Variants in SP100 observed in about 807,000 individuals in gnomAD.
SP100 encodes SP100 nuclear body protein, also known as nuclear autoantigen Sp-100.
A neutral mutation model predicts 130.0 loss-of-function variants in SP100; 84 were observed. That is an observed-to-expected ratio of 0.65 (90% confidence interval 0.54 to 0.77). The LOEUF is 0.77. SP100 is among the 30% of genes least tolerant of loss of function. SP100 has a pLI of 0.00. For synonymous variants in SP100, 331 were observed against 351.7 expected, an observed-to-expected ratio of 0.94 and a Z score of 0.66; for missense variants, 978 against 1,052.2, an observed-to-expected ratio of 0.93 and a Z score of 0.97.
chr2:230,429,177 GT>G (rs2063027240), intron 2 of SP100, among the ~76,000 whole-genome samples: 1 of 152,082 alleles, frequency 6.6e-6, no homozygotes, highest in East Asian at 1.9e-4. Context: ...GTTTGGAAAG[GT>G]TTTTATCTCT....
At chr2:230,443,707 A>G (rs911681908) in intron 3 of SP100, among the ~76,000 whole-genome samples, 23 of 152,338 alleles carry the variant, frequency 1.5e-4, no homozygotes, top group African/African-American at 4.3e-4. Context: ...GATACAGAGC[A>G]GCGAGTCATC....
chr2:230,515,796 A>G, intron 24 of SP100: 1 of 1,457,264 alleles, frequency 6.9e-7, no homozygotes, highest in Non-Finnish European at 9.0e-7. Flanking sequence ...CCACTACCGA[A>G]TGTGTCTTCA....
At chr2:230,521,627 G>T (rs565293147) in intron 24 of SP100, among the ~76,000 whole-genome samples, 119 of 152,266 alleles carry the variant, frequency 7.8e-4, no homozygotes, top group African/African-American at 2.7e-3. Flanking sequence ...TCAGTGATTG[G>T]CTTTCTGTGC....
chr2:230,488,056 C>A (rs2066198859), intron 17 of SP100, among the ~76,000 whole-genome samples: 1 of 152,118 alleles, frequency 6.6e-6, no homozygotes, highest in African/African-American at 2.4e-5. Context: ...ATTTTTCTGA[C>A]ATTCCTTATC....
intron 24 of SP100, chr2:230,516,653 A>T (rs1463458840): frequency 6.6e-6 from 1 of 152,208 alleles, no homozygotes; most frequent in African/African-American, 2.4e-5. Flanking sequence ...GTTATCAGAA[A>T]CCTATGTTCA....
chr2:230,536,970 C>T (rs959353485), intron 24 of SP100, among the ~76,000 whole-genome samples: 5 of 152,118 alleles, frequency 3.3e-5, no homozygotes, highest in African/African-American at 2.4e-5. Context: ...GTAAGAATGC[C>T]ATGTAAGCTA....
intron 2 of SP100, among the ~76,000 whole-genome samples, chr2:230,439,749 A>C (rs2063410495): frequency 6.6e-6 from 1 of 152,056 alleles, no homozygotes; most frequent in Non-Finnish European, 1.5e-5. Flanking sequence ...TTAGGATACT[A>C]ATCATATCAT....
intron 2 of SP100, among the ~76,000 whole-genome samples, chr2:230,431,078 C>T (rs2063085490): frequency 6.6e-6 from 1 of 152,224 alleles, no homozygotes; most frequent in African/African-American, 2.4e-5. Flanking sequence ...CCAAATAGGG[C>T]CACCAGCTTG....
intron 17 of SP100, among the ~76,000 whole-genome samples, chr2:230,493,494 G>C (rs1300697822): frequency 1.3e-5 from 2 of 152,158 alleles, no homozygotes; most frequent in Non-Finnish European, 2.9e-5. Context: ...TAAGATTACA[G>C]GGGTGAGCCA....
intron 24 of SP100, chr2:230,515,411 C>A (rs1223910771): frequency 6.2e-7 from 1 of 1,613,760 alleles, no homozygotes; most frequent in Non-Finnish European, 8.5e-7. Context: ...AAGAAACTGG[C>A]AGGGATGTGG....
intron 24 of SP100, among the ~76,000 whole-genome samples, chr2:230,512,006 A>C (rs533079154): frequency 7.7e-4 from 117 of 152,212 alleles, no homozygotes; most frequent in African/African-American, 2.8e-3. Context: ...AGCCAGGACT[A>C]CGGGTGCATG....
chr2:230,539,682 A>G (rs930897080), intron 25 of SP100, among the ~76,000 whole-genome samples: 2 of 152,104 alleles, frequency 1.3e-5, no homozygotes, highest in Admixed American at 6.5e-5. Context: ...GGGTGATGCC[A>G]TCATACACTG....
chr2:230,483,273 C>A (rs1005023521), intron 17 of SP100, among the ~76,000 whole-genome samples: 2 of 152,090 alleles, frequency 1.3e-5, no homozygotes, highest in Non-Finnish European at 2.9e-5. Flanking sequence ...CCAAGGAGAG[C>A]CTTGCTAACA....
rs74384300 is a variant in SP100 at position 230,463,951 on chromosome 2, C to T, written c.1058-116C>T. On this transcript the variant is annotated intron_variant, in intron 10 of 28. Transcript: ENST00000340126. ...AAGACAAGCATGGCCTGTGTACAGG[C>T]GAGGACTTGCACGGATTTTCAAGGT... is the stretch of plus-strand genomic sequence containing the variant. The T allele has an allele frequency of 3.2e-4, 216 of 677,930 alleles. 1 individual carries two copies. Among genetic ancestry groups the T allele is most frequent in the African/African-American group, 3.1e-3 (172 of 55,726 alleles). The allele number at this position is 677,930 out of a possible 1,614,324, so 42.0% of individuals were successfully genotyped here.
At chr2:230,455,616 C>T (rs916098769) in intron 8 of SP100, among the ~76,000 whole-genome samples, 4 of 152,148 alleles carry the variant, frequency 2.6e-5, no homozygotes, top group Non-Finnish European at 4.4e-5. Flanking sequence ...TTTATTTACA[C>T]TTAATATAAT....
intron 13 of SP100, 35 bp downstream of exon 13, chr2:230,467,250 T>C: frequency 1.4e-6 from 2 of 1,425,532 alleles, no homozygotes; most frequent in Non-Finnish European, 2.0e-6. Flanking sequence ...GGGCTCTGAC[T>C]TCAGAGCACC....
intron 5 of SP100, among the ~76,000 whole-genome samples, 186 bp from the exon 6 acceptor site, chr2:230,448,902 C>A (rs1046956377): frequency 6.6e-6 from 1 of 152,166 alleles, no homozygotes; most frequent in East Asian, 1.9e-4. Context: ...GACCCAGTCC[C>A]CTACTCTCAA....
At chr2:230,463,070 A>C (rs2064750804) in intron 10 of SP100, among the ~76,000 whole-genome samples, 1 of 152,204 alleles carries the variant, frequency 6.6e-6, no homozygotes, top group African/African-American at 2.4e-5. Flanking sequence ...TGATTTTTTG[A>C]AAGACTTTTG....
intron 2 of SP100, among the ~76,000 whole-genome samples, chr2:230,427,703 C>G (rs556933986): frequency 1.3e-5 from 2 of 151,870 alleles, no homozygotes; most frequent in African/African-American, 2.4e-5. Flanking sequence ...ATTCCTTTCT[C>G]TTAATCTTAT....
Sources: allele counts gnomAD v4.1 joint callset (sites outside exome capture counted in the v4.1 genomes callset), GRCh38; gene constraint gnomAD v4.1.1; transcripts MANE v1.5; gene names NCBI Gene and HGNC (gene_info 2026-07-23, HGNC 2026-07-21).